PEX14: variants seen among roughly 807,000 people sequenced by gnomAD.
The protein encoded by PEX14 is peroxisomal membrane protein PEX14.
In PEX14, 15 loss-of-function variants were observed where a neutral mutation model predicts 49.5. The observed-to-expected ratio is 0.30, with a 90% CI of 0.20 to 0.47. The LOEUF is 0.47. Among genes scored for constraint, PEX14 ranks in the 20% least tolerant of loss-of-function variants. The pLI is 1.00. For missense variants in PEX14, 398 were observed against 494.8 expected (o/e 0.80, Z 1.86); for synonymous variants, 210 against 212.7 (o/e 0.99, Z 0.11).
At chr1:10,627,831 CT>C (rs1160000295) in intron 8 of PEX14, among the ~76,000 whole-genome samples, 1 of 152,268 alleles carries the variant, frequency 6.6e-6, no homozygotes, top group Non-Finnish European at 1.5e-5. Context: ...GGTTGTCCCC[CT>C]GTTGTCCCTC....
At chr1:10,489,733 G>T (rs1291737257) in intron 1 of PEX14, among the ~76,000 whole-genome samples, 5 of 152,218 alleles carry the variant, frequency 3.3e-5, no homozygotes. Flanking sequence ...TGGCCTCCCT[G>T]AACTCTGATC....
intron 2 of PEX14, among the ~76,000 whole-genome samples, chr1:10,525,633 T>A (rs1638450121): frequency 6.6e-6 from 1 of 152,174 alleles, no homozygotes; most frequent in Admixed American, 6.5e-5. Context: ...TTTGAAGATT[T>A]TTTTTTCTTC....
chr1:10,562,917 T>TC lies in PEX14; in HGVS notation c.169+26620_169+26621insC, dbSNP rs1341278641. On this transcript the variant is annotated intron_variant, in intron 3 of 8. Coordinates refer to ENST00000356607, the MANE Select transcript of PEX14 (RefSeq NM_004565.3). ...GATTTTCTTTTTTTCTTTCTTTCTT[T>TC]TCTTTTTTTTTAGAGACAGAGTCTC... Among the ~76,000 whole-genome samples, 183 of 150,066 alleles carry TC rather than the reference T, an allele frequency of 1.2e-3. 5 individuals carry two copies. Among genetic ancestry groups the TC allele is most frequent in the Admixed American group, 0.011 (172 of 15,022 alleles).
chr1:10,519,196 G>C (rs909071736), intron 2 of PEX14, among the ~76,000 whole-genome samples: 3 of 152,024 alleles, frequency 2.0e-5, no homozygotes, highest in African/African-American at 7.2e-5. Context: ...GCCCAGCCGT[G>C]ACAAACTGAC....
rs188522336 is a variant in PEX14, at chr1:10,585,408, C to T, written c.170-13830C>T. Among the ~76,000 whole-genome samples, 6 of 152,126 alleles carry T rather than the reference C, an allele frequency of 3.9e-5. No homozygotes were observed. The East Asian group carries it at 5.8e-4, about 15-fold the overall frequency. ...ATTGTAATATGAAAGATATAAACCC[C>T]CAAAGTTCAGCATTTACATTAAATA... is the stretch of plus-strand genomic sequence containing the variant. On this transcript the variant is annotated intron_variant, in intron 3 of 8. Transcript: ENST00000356607.
At position 10,630,044 on chromosome 1, in the gene PEX14, C is replaced by T; in HGVS notation, c.*57C>T. The T allele has an allele frequency of 1.3e-6, 2 of 1,594,618 alleles. No individual in the cohort carries two copies. Among genetic ancestry groups the T allele is most frequent in the Middle Eastern group, 2.3e-4 (1 of 4,438 alleles). ...GGCATCTAGTGTGCCCGTGCGTGGC[C>T]ATACCCTGCCTCCCTCTCTGGCCCT... On this transcript the variant is annotated 3_prime_UTR_variant, in exon 9 of 9. Coordinates refer to ENST00000356607, the MANE Select transcript of PEX14 (RefSeq NM_004565.3). The surrounding 1 kb of genome is among the most constrained non-coding windows in gnomAD (Gnocchi z 4.1).
rs187981675 is a variant in PEX14, at chr1:10,509,599, C to T, written c.84+14278C>T. 1.4e-4 allele frequency among the ~76,000 whole-genome samples: 21 copies of T among 152,292 alleles called. No individual in the cohort carries two copies. The East Asian group carries it at 3.3e-3, about 24-fold the overall frequency. On this transcript the variant is annotated intron_variant, in intron 2 of 8. Coordinates refer to ENST00000356607, the MANE Select transcript of PEX14 (RefSeq NM_004565.3). ...TGTCTTCTGTGACCTCAGCGGGCTC[C>T]ATCAGGTGGGGGTATCCCCTACTGA...
In PEX14 at chr1:10,585,699, C is replaced by T. The variant is rs569924447; in HGVS notation, c.170-13539C>T. ...CTTCGGGAGGCCGAGGTGAGCAGATCACCTGAGGTCAGGAGTTCAAGACCA... is the reference window on the plus strand; with the variant it reads ...CTTCGGGAGGCCGAGGTGAGCAGATTACCTGAGGTCAGGAGTTCAAGACCA... On this transcript the variant is annotated intron_variant, in intron 3 of 8. Coordinates refer to ENST00000356607, the MANE Select transcript of PEX14 (RefSeq NM_004565.3). Among the ~76,000 whole-genome samples, 276 of 152,332 alleles carry T rather than the reference C, an allele frequency of 1.8e-3. 2 individuals carry two copies. The highest frequency in any genetic ancestry group is 6.1e-3 in the African/African-American group (253 of 41,582).
At chr1:10,498,773 CA>C (rs1213004622) in intron 2 of PEX14, among the ~76,000 whole-genome samples, 1 of 152,190 alleles carries the variant, frequency 6.6e-6, no homozygotes, top group Admixed American at 6.5e-5. Context: ...CTGTTGTTGA[CA>C]AAACTCCGCC....
intron 3 of PEX14, among the ~76,000 whole-genome samples, chr1:10,560,587 T>C (rs1325160719): frequency 6.6e-6 from 1 of 151,846 alleles, no homozygotes; most frequent in Non-Finnish European, 1.5e-5. Context: ...CCCAGGCTGG[T>C]CTCAAACTTC....
intron 3 of PEX14, among the ~76,000 whole-genome samples, chr1:10,546,053 A>G (rs1639161900): frequency 6.6e-6 from 1 of 150,780 alleles, no homozygotes; most frequent in Non-Finnish European, 1.5e-5. Flanking sequence ...TCAAAAAAAA[A>G]GATTGAGGAG....
At chr1:10,476,584 C>A (rs951308445) in intron 1 of PEX14, among the ~76,000 whole-genome samples, 1 of 151,980 alleles carries the variant, frequency 6.6e-6, no homozygotes, top group Non-Finnish European at 1.5e-5. Flanking sequence ...CACTGCCTCC[C>A]GGGTTCGAGC....
chr1:10,531,019 TC>T (rs1366573629), intron 2 of PEX14, among the ~76,000 whole-genome samples: 1 of 152,092 alleles, frequency 6.6e-6, no homozygotes, highest in Non-Finnish European at 1.5e-5. Flanking sequence ...CCCAGCCTGT[TC>T]CCTAGCTAGA....
intron 3 of PEX14, among the ~76,000 whole-genome samples, chr1:10,584,394 A>G (rs1213585911): frequency 1.3e-5 from 2 of 152,220 alleles, no homozygotes; most frequent in African/African-American, 4.8e-5. Context: ...ACAGATATAA[A>G]TGTAACATTG....
intron 3 of PEX14, among the ~76,000 whole-genome samples, chr1:10,582,338 G>A (rs1640344900): frequency 6.6e-6 from 1 of 152,262 alleles, no homozygotes; most frequent in East Asian, 1.9e-4. Context: ...GGGTTGATCA[G>A]TATTTTAGGT....
At chr1:10,614,006 TC>T (rs1411418469) in intron 4 of PEX14, among the ~76,000 whole-genome samples, 1 of 152,248 alleles carries the variant, frequency 6.6e-6, no homozygotes, top group Non-Finnish European at 1.5e-5. Context: ...GGAGGTGTGT[TC>T]CCAGGCGCCC....
Position 10,610,424 on chromosome 1 carries a change from G to T in PEX14, c.299-7908G>T, listed in dbSNP as rs191311722. 1.1e-3 allele frequency among the ~76,000 whole-genome samples: 170 copies of T among 150,482 alleles called. 1 individual carries two copies. Among genetic ancestry groups the T allele is most frequent in the African/African-American group, 3.8e-3 (156 of 41,040 alleles). On this transcript the variant is annotated intron_variant, in intron 4 of 8. Transcript: ENST00000356607. Reference sequence around the variant, plus strand: ...ATATATATATACACAGAGAGAGAGAGATATCATTCTTTTTCATTACTGAGT... The same window carrying T: ...ATATATATATACACAGAGAGAGAGATATATCATTCTTTTTCATTACTGAGT...
intron 4 of PEX14, among the ~76,000 whole-genome samples, chr1:10,605,857 C>T (rs1289958609): frequency 6.6e-6 from 1 of 152,048 alleles, no homozygotes; most frequent in African/African-American, 2.4e-5. Flanking sequence ...GTCCGTGGTG[C>T]CGGTTTGGAT....
At chr1:10,493,960 G>T (rs949751603) in intron 1 of PEX14, among the ~76,000 whole-genome samples, 5 of 152,190 alleles carry the variant, frequency 3.3e-5, no homozygotes, top group East Asian at 1.9e-4. Flanking sequence ...TATCTCAGAG[G>T]GGTGTGGGCT....
Sources: allele counts gnomAD v4.1 joint callset (sites outside exome capture counted in the v4.1 genomes callset), GRCh38; gene constraint gnomAD v4.1.1; non-coding constraint Gnocchi (gnomAD v3.1); transcripts MANE v1.5; gene names NCBI Gene and HGNC (gene_info 2026-07-23, HGNC 2026-07-21).